The following CDK6 variants were observed in gnomAD, a reference collection of about 807,000 sequenced individuals.
The protein encoded by CDK6 is cyclin dependent kinase 6.
Under a neutral mutation model 37.1 loss-of-function variants are expected in CDK6, and 6 were observed. The ratio of observed to expected loss-of-function variants is 0.16; its 90% CI spans 0.09 to 0.32. The LOEUF (loss-of-function observed/expected upper bound fraction) is 0.32, where lower values mean the gene tolerates loss of function less well. Ranked by LOEUF, CDK6 falls within the 10% of genes least tolerant of loss-of-function variation. The pLI is 1.00. For synonymous variants in CDK6, 160 were observed against 161.3 expected (o/e 0.99, Z 0.06); for missense variants, 224 against 418.9 (o/e 0.53, Z 4.06).
chr7:92,625,778 T>C (rs1260771655), intron 5 of CDK6, among the ~76,000 whole-genome samples: 1 of 152,118 alleles, frequency 6.6e-6, no homozygotes, highest in Non-Finnish European at 1.5e-5. Flanking sequence ...TACTGGTATG[T>C]CTGTTATAGA....
At chr7:92,698,250 C>A (rs979269856) in intron 4 of CDK6, among the ~76,000 whole-genome samples, 1 of 152,238 alleles carries the variant, frequency 6.6e-6, no homozygotes, top group Admixed American at 6.5e-5. Flanking sequence ...CCAGTTACAA[C>A]TGAACTCCTC....
intron 6 of CDK6, among the ~76,000 whole-genome samples, chr7:92,622,458 CAGGCACTGTGTA>C (rs1795824517): frequency 6.6e-6 from 1 of 152,134 alleles, no homozygotes; most frequent in African/African-American, 2.4e-5. Context: ...TACTATGTGC[CAGGCACTGTGTA>C]AGCCCTTCAC....
At chr7:92,681,792 C>A (rs917314414) in intron 4 of CDK6, among the ~76,000 whole-genome samples, 3 of 152,164 alleles carry the variant, frequency 2.0e-5, no homozygotes, top group African/African-American at 7.2e-5. Context: ...ACTTTTCTTA[C>A]ATGAAGCACA....
rs1008709672 is a variant in CDK6, at chr7:92,831,052, C to T, written c.233+2039G>A. On this transcript the variant is annotated intron_variant, in intron 2 of 7. Coordinates refer to ENST00000424848, the MANE Select transcript of CDK6 (RefSeq NM_001145306.2). ...CATACGCCATCTCATTTTATTCTCA[C>T]GACTTTAACAGGTAGGTGCCATCAT... Among the ~76,000 whole-genome samples, 6 of 152,326 alleles carry T rather than the reference C, an allele frequency of 3.9e-5. 1 individual carries two copies. Among genetic ancestry groups the T allele is most frequent in the African/African-American group, 1.2e-4 (5 of 41,580 alleles).
chr7:92,717,728 G>A (rs139307805), intron 4 of CDK6, among the ~76,000 whole-genome samples: 11 of 152,294 alleles, frequency 7.2e-5, no homozygotes, highest in South Asian at 2.1e-4. Context: ...CTAGAATTAG[G>A]TGAGTCAAAT....
intron 3 of CDK6, among the ~76,000 whole-genome samples, chr7:92,769,974 G>A (rs1935234571): frequency 6.6e-6 from 1 of 152,046 alleles, no homozygotes; most frequent in South Asian, 2.1e-4. Flanking sequence ...TCATTAAGGT[G>A]TCAATTATTG....
chr7:92,655,305 T>C (rs1030754615), intron 5 of CDK6, among the ~76,000 whole-genome samples: 2 of 152,170 alleles, frequency 1.3e-5, no homozygotes, highest in Non-Finnish European at 2.9e-5. Flanking sequence ...AAATAAATTT[T>C]GATTGAGGGT....
In CDK6 at chr7:92,835,078, G is replaced by C. The variant is rs1034975159; in HGVS notation, c.-367-1388C>G. 7.2e-5 allele frequency: 11 copies of C among 152,234 alleles called. No individual in the cohort carries two copies. The highest frequency in any genetic ancestry group is 1.9e-4 in the African/African-American group (8 of 41,444). 9.4% of individuals were successfully genotyped at this position (152,234 alleles called of 1,614,324 possible). A position where few individuals can be genotyped will look rare whatever the true frequency, so the allele number is the denominator to read the frequency against. On this transcript the variant is annotated intron_variant, in intron 1 of 7. Transcript: ENST00000424848. This position sits in a 1 kb window ranked among gnomAD's most constrained non-coding sequence, Gnocchi z 4.2. ...GCCTTTTGCCAGGAATTAAACAAAC[G>C]GCGCGACCCCCACGATGAGCGGGTG...
chr7:92,830,775 C>G (rs1357078721), intron 2 of CDK6, among the ~76,000 whole-genome samples: 1 of 152,182 alleles, frequency 6.6e-6, no homozygotes, highest in African/African-American at 2.4e-5. Context: ...ATAATTTCCT[C>G]AAGTATCACT....
At chr7:92,645,139 T>G (rs1222793603) in intron 5 of CDK6, among the ~76,000 whole-genome samples, 1 of 152,162 alleles carries the variant, frequency 6.6e-6, no homozygotes, top group Non-Finnish European at 1.5e-5. Context: ...GGATGAACCT[T>G]CTGGTTAATT....
chr7:92,715,687 C>T (rs559760645), intron 4 of CDK6, among the ~76,000 whole-genome samples: 14 of 152,200 alleles, frequency 9.2e-5, no homozygotes, highest in East Asian at 7.7e-4. Flanking sequence ...TCAATAAATG[C>T]ATCAGAAAAT....
chr7:92,813,195 T>C (rs909147732), intron 2 of CDK6, among the ~76,000 whole-genome samples: 4 of 152,182 alleles, frequency 2.6e-5, no homozygotes, highest in Non-Finnish European at 5.9e-5. Flanking sequence ...CACAAATCAC[T>C]TTAGGGTAGC....
intron 2 of CDK6, among the ~76,000 whole-genome samples, chr7:92,775,566 T>G (rs1799829240): frequency 6.6e-6 from 1 of 152,118 alleles, no homozygotes; most frequent in Non-Finnish European, 1.5e-5. Flanking sequence ...AATCTTAAAA[T>G]AAGACAAAAT....
chr7:92,661,387 C>A (rs1317606763), intron 5 of CDK6, among the ~76,000 whole-genome samples: 6 of 152,114 alleles, frequency 3.9e-5, no homozygotes, highest in South Asian at 4.1e-4. Context: ...AAGGTGCTGA[C>A]CCCCTGTGCA....
chr7:92,733,128 C>G (rs1419577261), intron 3 of CDK6, among the ~76,000 whole-genome samples: 1 of 152,120 alleles, frequency 6.6e-6, no homozygotes, highest in Admixed American at 6.5e-5. Flanking sequence ...TTATAGCCAC[C>G]ATGATTCACC....
intron 5 of CDK6, among the ~76,000 whole-genome samples, chr7:92,655,425 G>C (rs1183325628): frequency 3.3e-5 from 5 of 152,186 alleles, no homozygotes; most frequent in African/African-American, 1.2e-4. Context: ...TTTAATCAGG[G>C]CTGTATGCCA....
rs10225916 is a variant in CDK6 at position 92,725,369 on chromosome 7, T to A, written c.537+257A>T. ...CAGAAAGCATTTGGAAACTTGTAAC[T>A]GATTCCTGTCCAGTGGCTAAGATGC... On this transcript the variant is annotated intron_variant, in intron 4 of 7. Coordinates refer to ENST00000424848, the MANE Select transcript of CDK6 (RefSeq NM_001145306.2). 6.5e-3 allele frequency: 6,226 copies of A among 961,368 alleles called. 341 individuals carry two copies. The African/African-American group carries it at 0.1, about 16-fold the overall frequency. 59.6% of individuals were successfully genotyped at this position (961,368 alleles called of 1,614,324 possible). A position where few individuals can be genotyped will look rare whatever the true frequency, so the allele number is the denominator to read the frequency against.
rs1194104947 is a variant in CDK6 at position 92,612,619 on chromosome 7, T to G, written c.*2521A>C. The G allele has an allele frequency of 8.6e-6, 2 of 233,076 alleles. No individual in the cohort carries two copies. Among genetic ancestry groups the G allele is most frequent in the Non-Finnish European group, 1.7e-5 (2 of 117,986 alleles). The allele number at this position is 233,076 out of a possible 1,614,324, so 14.4% of individuals were successfully genotyped here. A position where few individuals can be genotyped will look rare whatever the true frequency, so the allele number is the denominator to read the frequency against. On this transcript the variant is annotated 3_prime_UTR_variant, in exon 8 of 8. Coordinates refer to ENST00000424848, the MANE Select transcript of CDK6 (RefSeq NM_001145306.2). ...CATCAGAAGATAATCTGCCAACGAT[T>G]GAATGCCAGAATGTTTGTGCTTTAA... is the stretch of plus-strand genomic sequence containing the variant.
At chr7:92,766,512 G>T (rs1799585187) in intron 3 of CDK6, among the ~76,000 whole-genome samples, 1 of 152,192 alleles carries the variant, frequency 6.6e-6, no homozygotes, top group African/African-American at 2.4e-5. Context: ...GAGACGTCAG[G>T]CTGGAGAATA....
Sources: allele counts gnomAD v4.1 joint callset (sites outside exome capture counted in the v4.1 genomes callset), GRCh38; gene constraint gnomAD v4.1.1; non-coding constraint Gnocchi (gnomAD v3.1); transcripts MANE v1.5; gene names NCBI Gene and HGNC (gene_info 2026-07-23, HGNC 2026-07-21).